NRXN1: variants seen among roughly 807,000 people sequenced by gnomAD.
NRXN1 encodes the protein neurexin-1.
A neutral mutation model predicts 150.9 loss-of-function variants in NRXN1; 39 were observed. The observed-to-expected ratio is 0.26, with a 90% confidence interval of 0.20 to 0.34. The LOEUF is 0.34. Among genes scored for constraint, NRXN1 ranks in the 10% least tolerant of loss-of-function variants. The probability of loss-of-function intolerance (pLI) is 1.00; values close to 1 mark genes in which losing one functional copy is unlikely to be tolerated. For synonymous variants in NRXN1, 924 were observed against 757.0 expected (o/e 1.22, Z -3.62); for missense variants, 1,815 against 1,949.9 (o/e 0.93, Z 1.30).
At chr2:50,278,278 T>C (rs1204463433) in intron 17 of NRXN1, among the ~76,000 whole-genome samples, 1 of 88,978 alleles carries the variant, frequency 1.1e-5, no homozygotes, top group African/African-American at 4.6e-5. Flanking sequence ...ATATGTATTA[T>C]ATATATAATA....
chr2:50,926,953 C>G (rs911718838), intron 2 of NRXN1, among the ~76,000 whole-genome samples: 1 of 151,772 alleles, frequency 6.6e-6, no homozygotes, highest in Non-Finnish European at 1.5e-5. Context: ...ATTTGAGACT[C>G]GGGGCCTGCA....
chr2:50,866,611 T>C (rs979933608), intron 5 of NRXN1, among the ~76,000 whole-genome samples: 1 of 151,962 alleles, frequency 6.6e-6, no homozygotes, highest in African/African-American at 2.4e-5. Context: ...GTTATATAGT[T>C]ATAATTTACA....
At chr2:50,591,331 C>T (rs1373222387) in intron 8 of NRXN1, among the ~76,000 whole-genome samples, 4 of 151,466 alleles carry the variant, frequency 2.6e-5, no homozygotes, top group South Asian at 2.1e-4. Context: ...AAGCTGACTG[C>T]CTCTTCATAA....
intron 21 of NRXN1, among the ~76,000 whole-genome samples, chr2:50,011,234 C>A (rs1163897688): frequency 6.6e-6 from 1 of 152,116 alleles, no homozygotes; most frequent in Non-Finnish European, 1.5e-5. Context: ...CATAGAAAGT[C>A]CTCATTAAAT....
intron 2 of NRXN1, among the ~76,000 whole-genome samples, chr2:50,928,992 C>T (rs892344403): frequency 6.6e-6 from 1 of 151,958 alleles, no homozygotes; most frequent in Non-Finnish European, 1.5e-5. Context: ...ATTTTTCTTT[C>T]AGATAGGATG....
intron 17 of NRXN1, among the ~76,000 whole-genome samples, chr2:50,418,811 A>G (rs1000267194): frequency 6.6e-6 from 1 of 152,016 alleles, no homozygotes; most frequent in Non-Finnish European, 1.5e-5. Context: ...TATAGTAATA[A>G]AAATATTAAA....
chr2:50,712,487 T>C (rs1445475342), intron 5 of NRXN1, among the ~76,000 whole-genome samples: 2 of 152,300 alleles, frequency 1.3e-5, no homozygotes, highest in African/African-American at 4.8e-5. Context: ...ATCAAAGATC[T>C]TGGTTTAATG....
intron 18 of NRXN1, among the ~76,000 whole-genome samples, chr2:50,144,995 G>A (rs976208925): frequency 2.6e-5 from 4 of 151,624 alleles, no homozygotes; most frequent in Non-Finnish European, 4.4e-5. Flanking sequence ...TATCATTCCT[G>A]AAATAACTAA....
chr2:50,746,917 A>T (rs1700093461), intron 5 of NRXN1, among the ~76,000 whole-genome samples: 1 of 152,036 alleles, frequency 6.6e-6, no homozygotes. Flanking sequence ...ATTTTTTTTT[A>T]ACACATACCT....
intron 17 of NRXN1, among the ~76,000 whole-genome samples, chr2:50,348,052 T>C (rs1346185962): frequency 6.6e-6 from 1 of 152,202 alleles, no homozygotes. Flanking sequence ...CCCAATGGTT[T>C]AGATGTAACC....
At chr2:50,171,448 TTAAA>T (rs2060027003) in intron 18 of NRXN1, among the ~76,000 whole-genome samples, 1 of 152,152 alleles carries the variant, frequency 6.6e-6, no homozygotes, top group South Asian at 2.1e-4. Flanking sequence ...ATAATACTGT[TTAAA>T]TAACACTGTT....
chr2:50,184,266 T>G (rs2060925025), intron 18 of NRXN1, among the ~76,000 whole-genome samples: 1 of 152,016 alleles, frequency 6.6e-6, no homozygotes, highest in African/African-American at 2.4e-5. Flanking sequence ...ACACATTCCT[T>G]AAATAATTAT....
Position 50,501,349 on chromosome 2 carries a change from G to A in NRXN1, c.2498-3635C>T, listed in dbSNP as rs146379655. Among the ~76,000 whole-genome samples, 1,301 of 151,516 alleles carry A rather than the reference G, an allele frequency of 8.6e-3. 12 individuals are homozygous for A. The highest frequency in any genetic ancestry group is 0.029 in the African/African-American group (1,207 of 41,314). On this transcript the variant is annotated intron_variant, in intron 13 of 22. Transcript: ENST00000401669. ...TAGTGCTTCTTACATTCAGAGCTAA[G>A]GAGGATTTGAAGCAGGGGTTAACCA...
At chr2:50,639,392 T>C (rs1243554900) in intron 5 of NRXN1, among the ~76,000 whole-genome samples, 4 of 151,854 alleles carry the variant, frequency 2.6e-5, no homozygotes, top group Admixed American at 1.3e-4. Context: ...AGCTAGTTTT[T>C]GTATTTTCAG....
intron 17 of NRXN1, among the ~76,000 whole-genome samples, chr2:50,261,833 T>G (rs943610828): frequency 6.6e-6 from 1 of 151,960 alleles, no homozygotes. Flanking sequence ...ATTGCAAATG[T>G]GGAAGTTCTC....
intron 17 of NRXN1, among the ~76,000 whole-genome samples, chr2:50,241,736 T>A (rs2066017237): frequency 6.6e-6 from 1 of 151,834 alleles, no homozygotes; most frequent in Non-Finnish European, 1.5e-5. Flanking sequence ...TCAGGGAATA[T>A]TTTTAGATCT....
At chr2:50,906,480 G>A (rs1412127240) in intron 5 of NRXN1, among the ~76,000 whole-genome samples, 1 of 152,062 alleles carries the variant, frequency 6.6e-6, no homozygotes, top group East Asian at 1.9e-4. Flanking sequence ...TTTCACCTCT[G>A]ATGTTAGGAA....
At chr2:50,252,233 C>CTTTTT (rs55993018) in intron 17 of NRXN1, among the ~76,000 whole-genome samples, 22 of 94,910 alleles carry the variant, frequency 2.3e-4, no homozygotes, top group Admixed American at 4.5e-4. Flanking sequence ...ACATTTTGTC[C>CTTTTT]TTTTTTTTTT....
rs3052512 is a variant in NRXN1, at chr2:50,454,664, TCACACACACACACA to T, written c.3364+10764_3364+10777del. The stretch of plus-strand genomic sequence containing the variant: ...AAAGAGCTGTAGAAATGGGCAAAGA[TCACACACACACACA>T]CACACACACACACACACACACACAC... On this transcript the variant is annotated intron_variant, in intron 17 of 22. Transcript: ENST00000401669. Among the ~76,000 whole-genome samples the T allele has an allele frequency of 2.8e-3, 400 of 140,812 alleles. 1 individual carries two copies. Among genetic ancestry groups the T allele is most frequent in the Non-Finnish European group, 4.9e-3 (311 of 64,108 alleles). 92.4% of individuals were successfully genotyped at this position (140,812 alleles called of 152,430 possible).
Sources: gnomAD v4.1 joint callset for allele counts (sites outside exome capture counted in the v4.1 genomes callset) on GRCh38, gnomAD v4.1.1 for gene constraint, MANE v1.5 for transcripts, NCBI Gene and HGNC (gene_info 2026-07-23, HGNC 2026-07-21) for gene names.